The following AASDH variants were observed in gnomAD, a reference collection of about 807,000 sequenced individuals.
AASDH encodes the protein aminoadipate-semialdehyde dehydrogenase.
Under a neutral mutation model 102.3 loss-of-function variants are expected in AASDH, and 81 were observed. The observed-to-expected ratio is 0.79, with a 90% CI of 0.66 to 0.95. The LOEUF (loss-of-function observed/expected upper bound fraction) is 0.95. Among genes scored for constraint, AASDH ranks in the 40% least tolerant of loss-of-function variants. The pLI, the probability that AASDH is intolerant of heterozygous loss-of-function variation, is 0.00. For synonymous variants in AASDH, 398 were observed against 454.0 expected (o/e 0.88, Z 1.57); for missense variants, 1,203 against 1,266.2 (o/e 0.95, Z 0.76).
Position 56,344,940 on chromosome 4 carries a change from CTTTT to C in AASDH, c.2652+183_2652+186del, listed in dbSNP as rs11357105. Among the ~76,000 whole-genome samples the C allele has an allele frequency of 7.1e-3, 881 of 124,106 alleles. 3 individuals are homozygous for C. The highest frequency in any genetic ancestry group is 0.023 in the African/African-American group (770 of 33,928). 81.4% of individuals were successfully genotyped at this position (124,106 alleles called of 152,430 possible). On this transcript the variant is annotated intron_variant, in intron 12 of 14. Coordinates refer to ENST00000205214, the MANE Select transcript of AASDH (RefSeq NM_181806.4). ...TAGACTAATGAGGTGAATTTTCTTT[CTTTT>C]TTTTTTTTTTTTTTTGAGATAGAGT...
intron 14 of AASDH, among the ~76,000 whole-genome samples, chr4:56,340,029 TGTG>T (rs1382327572): frequency 6.6e-6 from 1 of 151,892 alleles, no homozygotes; most frequent in Non-Finnish European, 1.5e-5. Flanking sequence ...ATTAGCTGGG[TGTG>T]GTGGTACACA....
chr4:56,371,382 A>G (rs1372825643), intron 5 of AASDH, 69 bp downstream of exon 5: 10 of 1,463,798 alleles, frequency 6.8e-6, no homozygotes, highest in African/African-American at 1.5e-5. Flanking sequence ...CAGGAATACA[A>G]AATATTCTCT....
intron 5 of AASDH, among the ~76,000 whole-genome samples, chr4:56,364,872 T>G (rs1283531819): frequency 6.6e-6 from 1 of 152,136 alleles, no homozygotes; most frequent in Non-Finnish European, 1.5e-5. Context: ...ATAACAATAT[T>G]AACCTGAAAT....
At chr4:56,359,436 A>C (rs1028329089) in intron 5 of AASDH, among the ~76,000 whole-genome samples, 4 of 148,104 alleles carry the variant, frequency 2.7e-5, no homozygotes, top group Non-Finnish European at 6.0e-5. Context: ...ATTTTTTTGC[A>C]TTTTTTTAGT....
chr4:56,351,304 C>T (rs771744205), intron 10 of AASDH, 38 bp downstream of exon 10: 2 of 1,313,818 alleles, frequency 1.5e-6, no homozygotes, highest in African/African-American at 3.0e-5. Flanking sequence ...ATAAAACGAC[C>T]TCTTTATAAT....
intron 5 of AASDH, among the ~76,000 whole-genome samples, chr4:56,371,161 G>A (rs973416665): frequency 2.6e-5 from 4 of 152,130 alleles, no homozygotes; most frequent in African/African-American, 9.7e-5. Flanking sequence ...AGACAGAAGA[G>A]GCAGCCTATC....
chr4:56,342,998 T>A, intron 13 of AASDH, 32 bp from the exon 14 acceptor site: 1 of 1,527,892 alleles, frequency 6.5e-7, no homozygotes, highest in Non-Finnish European at 8.8e-7. Flanking sequence ...CACAGCATTT[T>A]ATGTCATCCT....
At chr4:56,347,471 G>T (rs560657038) in intron 11 of AASDH, among the ~76,000 whole-genome samples, 1 of 152,284 alleles carries the variant, frequency 6.6e-6, no homozygotes, top group South Asian at 2.1e-4. Context: ...ACATACTTGG[G>T]AGAGTAAAAA....
chr4:56,383,142 T>A (rs1470510886), intron 2 of AASDH, among the ~76,000 whole-genome samples: 1 of 149,746 alleles, frequency 6.7e-6, no homozygotes, highest in Non-Finnish European at 1.5e-5. Flanking sequence ...TTCTTATCAC[T>A]TAATATAGAG....
intron 14 of AASDH, among the ~76,000 whole-genome samples, 155 bp downstream of exon 14, chr4:56,342,680 T>C (rs1332933312): frequency 1.3e-5 from 2 of 151,808 alleles, no homozygotes; most frequent in Non-Finnish European, 2.9e-5. Context: ...TTTAAAATGT[T>C]ACTTCAGTTG....
In AASDH at chr4:56,381,649, T is replaced by TCTCACACA. The variant is rs3223650; in HGVS notation, c.351+827_351+828insTGTGTGAG. 7.0e-3 allele frequency: 998 copies of TCTCACACA among 142,338 alleles called. 7 individuals carry two copies. The highest frequency in any genetic ancestry group is 0.023 in the African/African-American group (860 of 37,718). 8.8% of individuals were successfully genotyped at this position (142,338 alleles called of 1,614,324 possible). On this transcript the variant is annotated intron_variant, in intron 3 of 14. Coordinates refer to ENST00000205214, the MANE Select transcript of AASDH (RefSeq NM_181806.4). ...ATATACCTCAAGTTCTTGACACTTCTCACACACACACACACACACACACAC... is the reference window on the plus strand; with the variant it reads ...ATATACCTCAAGTTCTTGACACTTCTCTCACACACACACACACACACACACACACACAC...
chr4:56,372,191 A>C (rs1381777737), intron 4 of AASDH, among the ~76,000 whole-genome samples: 1 of 152,206 alleles, frequency 6.6e-6, no homozygotes, highest in East Asian at 1.9e-4. Context: ...TGGGTCTGCA[A>C]TTAATCTCCC....
At chr4:56,382,765 T>C (rs1028395893) in intron 2 of AASDH, among the ~76,000 whole-genome samples, 168 bp from the exon 3 acceptor site, 1 of 152,180 alleles carries the variant, frequency 6.6e-6, no homozygotes, top group Non-Finnish European at 1.5e-5. Context: ...TGACACATAG[T>C]TGGTAATAAA....
In AASDH at chr4:56,338,795, T is replaced by C; in HGVS notation, c.2908-4A>G. ...CACTGGTAGAGAACTGCCAAACCTA[T>C]AACAAGTAATAAAAATAAATATAAT... On this transcript the variant is annotated splice_polypyrimidine_tract_variant and splice_region_variant and intron_variant, in intron 14 of 14. Coordinates refer to ENST00000205214, the MANE Select transcript of AASDH (RefSeq NM_181806.4). 6 of 1,610,302 alleles carry C rather than the reference T, an allele frequency of 3.7e-6. No individual in the cohort carries two copies. Among genetic ancestry groups the C allele is most frequent in the South Asian group, 2.2e-5 (2 of 90,544 alleles).
At chr4:56,351,855 A>AGTAGT (rs765780447) in intron 9 of AASDH, among the ~76,000 whole-genome samples, 3 of 151,252 alleles carry the variant, frequency 2.0e-5, no homozygotes, top group Non-Finnish European at 2.9e-5. Context: ...TTGAGGCTGC[A>AGTAGT]GTAGTGAGCC....
In AASDH at chr4:56,353,445, T is replaced by C; in HGVS notation, c.1535A>G (p.Asp512Gly). 1 of 1,613,812 alleles carries C rather than the reference T, an allele frequency of 6.2e-7. No individual in the cohort carries two copies. The highest frequency in any genetic ancestry group is 8.5e-7 in the Non-Finnish European group (1 of 1,179,880). ...TAGAGAGTCGATCAATACAAGCTCA[T>C]CCGGGACTGCATGACTTGGAAGATA... The part of the protein sequence containing the change: ...QKYLPSHAVP[D>G]ELVLIDSLPF... The change falls in exon 9 of 15, where the codon GAT becomes GGT. Residue 512 changes from aspartate to glycine, a missense_variant. By Grantham distance (94) the Asp-to-Gly change is moderately conservative. Coordinates refer to ENST00000205214, the MANE Select transcript of AASDH (RefSeq NM_181806.4).
At chr4:56,375,453 C>A (rs183528910) in intron 4 of AASDH, among the ~76,000 whole-genome samples, 1 of 152,240 alleles carries the variant, frequency 6.6e-6, no homozygotes, top group South Asian at 2.1e-4. Context: ...TTATTTACCA[C>A]CTCACTTAAG....
At chr4:56,385,652 C>G (rs369097143) in intron 1 of AASDH, among the ~76,000 whole-genome samples, 253 of 152,318 alleles carry the variant, frequency 1.7e-3, no homozygotes, top group Non-Finnish European at 3.0e-3. Context: ...GGCTGGAATG[C>G]AATGGCGTGA....
At chr4:56,357,739 A>G (rs1156605858) in intron 5 of AASDH, among the ~76,000 whole-genome samples, 1 of 151,734 alleles carries the variant, frequency 6.6e-6, no homozygotes, top group Non-Finnish European at 1.5e-5. Flanking sequence ...TTCACTCAAC[A>G]TAATAGATAC....
Sources: gnomAD v4.1 joint callset for allele counts (sites outside exome capture counted in the v4.1 genomes callset) on GRCh38, gnomAD v4.1.1 for gene constraint, MANE v1.5 for transcripts, NCBI Gene and HGNC (gene_info 2026-07-23, HGNC 2026-07-21) for gene names.